The following FRY variants were observed in gnomAD, a reference collection of about 807,000 sequenced individuals.
FRY encodes protein furry homolog.
FRY carries 128 observed loss-of-function variants against 348.4 expected under a neutral mutation model. The observed-to-expected ratio is 0.37, with a 90% confidence interval of 0.32 to 0.43. The LOEUF is 0.43. FRY is among the 20% of genes least tolerant of loss of function. The probability of loss-of-function intolerance (pLI) is 1.00; values close to 1 mark genes in which losing one functional copy is unlikely to be tolerated. For missense variants in FRY, 2,736 were observed against 3,695.2 expected, an observed-to-expected ratio of 0.74 and a Z score of 6.73; for synonymous variants, 1,370 against 1,374.7, an observed-to-expected ratio of 1.00 and a Z score of 0.08.
intron 17 of FRY, among the ~76,000 whole-genome samples, chr13:32,169,636 G>A (rs985434127): frequency 1.3e-5 from 2 of 152,108 alleles, no homozygotes; most frequent in Non-Finnish European, 2.9e-5. Flanking sequence ...CTTCAGTTGA[G>A]CTGCCTCTGC....
At chr13:32,214,483 G>A (rs1884870292) in intron 35 of FRY, among the ~76,000 whole-genome samples, 1 of 152,196 alleles carries the variant, frequency 6.6e-6, no homozygotes, top group African/African-American at 2.4e-5. Context: ...ATCAGCTATT[G>A]TGTTAGTGTA....
intron 7 of FRY, among the ~76,000 whole-genome samples, chr13:32,127,505 C>G (rs531251520): frequency 6.6e-6 from 1 of 152,070 alleles, no homozygotes; most frequent in African/African-American, 2.4e-5. Context: ...AGTCTGAGTG[C>G]GGTGGCTCAC....
Position 32,212,210 on chromosome 13 carries a change from T to C in FRY, c.4592-82T>C, listed in dbSNP as rs929028204. On this transcript the variant is annotated intron_variant, in intron 34 of 60. Coordinates refer to ENST00000542859, the MANE Select transcript of FRY (RefSeq NM_023037.3). ...AACATAAGAATTTACAGGAAATCTT[T>C]CCCTGGAATTACTTGAGACTTGAGC... The C allele has an allele frequency of 6.6e-5, 51 of 773,396 alleles. No individual in the cohort carries two copies. The African/African-American group carries it at 7.4e-4, about 11-fold the overall frequency. The allele number at this position is 773,396 out of a possible 1,614,324, so 47.9% of individuals were successfully genotyped here. A position where few individuals can be genotyped will look rare whatever the true frequency, so the allele number is the denominator to read the frequency against.
intron 59 of FRY, among the ~76,000 whole-genome samples, chr13:32,294,079 C>T (rs1032577187): frequency 6.6e-6 from 1 of 152,192 alleles, no homozygotes; most frequent in Admixed American, 6.5e-5. Flanking sequence ...GTACTCTTTC[C>T]TTCTGTATTT....
chr13:32,186,038 C>T (rs1883007069), intron 26 of FRY, among the ~76,000 whole-genome samples: 1 of 152,076 alleles, frequency 6.6e-6, no homozygotes, highest in Non-Finnish European at 1.5e-5. Flanking sequence ...TCTTTCTTTC[C>T]CACTCTGAGT....
At chr13:32,056,636 G>C (rs543714021) in intron 1 of FRY, among the ~76,000 whole-genome samples, 2 of 152,220 alleles carry the variant, frequency 1.3e-5, no homozygotes, top group East Asian at 3.9e-4. Context: ...CAGCCTCAGA[G>C]GCTCCTTGTC....
intron 59 of FRY, among the ~76,000 whole-genome samples, chr13:32,292,322 G>C (rs1010744832): frequency 1.8e-4 from 27 of 152,246 alleles, no homozygotes; most frequent in African/African-American, 6.0e-4. Flanking sequence ...TCCTGGTGAA[G>C]ATGCTGAGAA....
intron 2 of FRY, among the ~76,000 whole-genome samples, chr13:32,099,502 C>T (rs1005773131): frequency 2.0e-5 from 3 of 151,592 alleles, no homozygotes; most frequent in African/African-American, 7.3e-5. Flanking sequence ...TCAAGTTGTC[C>T]GAGTTTTAAA....
chr13:32,236,169 C>G lies in FRY; in HGVS notation c.5807C>G (p.Ser1936Cys). ...LKNSDLLTVL[S>C]RSSSPDLSSS... ...AACAGTGACCTCCTAACTGTATTGT[C>G]CCGGTGAGAATCAGCTTAATGATAC... The change falls in exon 43 of 61, where the codon TCC becomes TGC. Residue 1936 changes from serine (S) to cysteine (C), a missense_variant. By Grantham distance (112) the Ser-to-Cys change is moderately radical. Transcript: ENST00000542859. 6.2e-7 allele frequency: 1 copy of G among 1,604,982 alleles called. No homozygotes were observed. Among genetic ancestry groups the G allele is most frequent in the South Asian group, 1.1e-5 (1 of 90,874 alleles).
At chr13:32,155,427 A>G in intron 14 of FRY, 64 bp from the exon 15 acceptor site, 1 of 1,156,440 alleles carries the variant, frequency 8.6e-7, no homozygotes, top group South Asian at 1.2e-5. Flanking sequence ...TGAAAGACTT[A>G]TGGATGTATT....
At chr13:32,229,235 T>C (rs897076807) in intron 40 of FRY, among the ~76,000 whole-genome samples, 2 of 152,194 alleles carry the variant, frequency 1.3e-5, no homozygotes, top group South Asian at 4.1e-4. Flanking sequence ...TTCTTCTTAT[T>C]AACCATTTAG....
chr13:32,148,891 G>A (rs1593668822), intron 13 of FRY, among the ~76,000 whole-genome samples: 1 of 152,058 alleles, frequency 6.6e-6, no homozygotes, highest in African/African-American at 2.4e-5. Flanking sequence ...CTTAGGGAAA[G>A]GACATTACCT....
chr13:32,194,021 A>G (rs1294831038), intron 28 of FRY, 122 bp from the exon 29 acceptor site: 1 of 1,012,544 alleles, frequency 9.9e-7, no homozygotes, highest in East Asian at 2.4e-5. Flanking sequence ...TAAAAACCAA[A>G]ATGAAAGCTC....
intron 17 of FRY, among the ~76,000 whole-genome samples, chr13:32,162,200 A>G (rs989581947): frequency 1.3e-5 from 2 of 152,224 alleles, no homozygotes; most frequent in African/African-American, 4.8e-5. Flanking sequence ...AGATGACAAA[A>G]AATGTCAATT....
intron 2 of FRY, 92 bp downstream of exon 2, chr13:32,079,125 T>C: frequency 1.1e-6 from 1 of 909,618 alleles, no homozygotes; most frequent in East Asian, 2.4e-5. Flanking sequence ...ATGGATTGCT[T>C]TTCCTCTGGT....
chr13:32,182,959 G>A lies in FRY; in HGVS notation c.2997-18G>A. ...GTCAAAAACAATGAATTTCAAATTT[G>A]ACCTTTTTCCTCCACAGAGAATTGG... On this transcript the variant is annotated intron_variant, in intron 23 of 60. Transcript: ENST00000542859. The A allele has an allele frequency of 6.4e-7, 1 of 1,553,264 alleles. No individual in the cohort carries two copies.
chr13:32,131,900 A>G (rs1879390808), intron 8 of FRY, 60 bp downstream of exon 8: 2 of 1,282,002 alleles, frequency 1.6e-6, no homozygotes, highest in East Asian at 4.6e-5. Context: ...CTTCCTCAAA[A>G]TGATGAACCT....
In FRY at chr13:32,289,622, T is replaced by G; in HGVS notation, c.8470-11T>G. 1 of 1,466,770 alleles carries G rather than the reference T, an allele frequency of 6.8e-7. No homozygotes were observed. Among genetic ancestry groups the G allele is most frequent in the Non-Finnish European group, 9.6e-7 (1 of 1,045,384 alleles). 90.9% of individuals were successfully genotyped at this position (1,466,770 alleles called of 1,614,324 possible). A position where few individuals can be genotyped will look rare whatever the true frequency, so the allele number is the denominator to read the frequency against. The stretch of plus-strand genomic sequence containing the variant: ...AATAACTGTTTCTTCCCATGCAATT[T>G]CTCTCTTTAGCAATTGGAACTGTGT... On this transcript the variant is annotated splice_polypyrimidine_tract_variant and intron_variant, in intron 58 of 60. Coordinates refer to ENST00000542859, the MANE Select transcript of FRY (RefSeq NM_023037.3).
chr13:32,197,926 T>G (rs1215842273), intron 29 of FRY, among the ~76,000 whole-genome samples: 2 of 152,226 alleles, frequency 1.3e-5, no homozygotes, highest in Non-Finnish European at 2.9e-5. Context: ...TTTGGTATGA[T>G]CACAGCTGTC....
Sources: allele counts gnomAD v4.1 joint callset (sites outside exome capture counted in the v4.1 genomes callset), GRCh38; gene constraint gnomAD v4.1.1; transcripts MANE v1.5; gene names NCBI Gene and HGNC (gene_info 2026-07-23, HGNC 2026-07-21).